Variants in CNTN5 observed in about 807,000 individuals in gnomAD.
CNTN5 encodes the protein contactin 5.
Under a neutral mutation model 129.1 loss-of-function variants are expected in CNTN5, and 77 were observed. The ratio of observed to expected loss-of-function variants is 0.60; its 90% confidence interval spans 0.50 to 0.72. The LOEUF is 0.72. Among genes scored for constraint, CNTN5 ranks in the 30% least tolerant of loss-of-function variants. CNTN5 has a pLI of 0.00. For missense variants in CNTN5, 1,478 were observed against 1,328.8 expected, an observed-to-expected ratio of 1.11 and a Z score of -1.75; for synonymous variants, 509 against 465.6, an observed-to-expected ratio of 1.09 and a Z score of -1.20.
intron 3 of CNTN5, among the ~76,000 whole-genome samples, chr11:99,594,426 T>C (rs1950066359): frequency 6.6e-6 from 1 of 152,194 alleles, no homozygotes; most frequent in Non-Finnish European, 1.5e-5. Context: ...AGTCTTGGTC[T>C]GTTTCTTTGC....
intron 2 of CNTN5, among the ~76,000 whole-genome samples, chr11:99,439,579 G>A (rs186950405): frequency 7.6e-4 from 115 of 151,626 alleles, no homozygotes; most frequent in African/African-American, 2.6e-3. Flanking sequence ...GTGGTGGTGT[G>A]CACCTGGAAT....
At chr11:99,894,221 G>T (rs1253705319) in intron 6 of CNTN5, among the ~76,000 whole-genome samples, 1 of 152,018 alleles carries the variant, frequency 6.6e-6, no homozygotes, top group Admixed American at 6.6e-5. Flanking sequence ...TGCTTCATTT[G>T]TCCACAGACT....
chr11:99,069,722 A>G (rs1210923253), intron 1 of CNTN5, among the ~76,000 whole-genome samples: 4 of 152,188 alleles, frequency 2.6e-5, no homozygotes, highest in South Asian at 2.1e-4. Flanking sequence ...GAATTTAGAT[A>G]GCTTGAAAAT....
intron 2 of CNTN5, among the ~76,000 whole-genome samples, chr11:99,478,798 T>A (rs1945479123): frequency 6.6e-6 from 1 of 152,170 alleles, no homozygotes; most frequent in African/African-American, 2.4e-5. Flanking sequence ...AGAGTGATGT[T>A]TCCTACTTTT....
At chr11:99,159,316 A>C (rs1399757022) in intron 1 of CNTN5, among the ~76,000 whole-genome samples, 2 of 152,206 alleles carry the variant, frequency 1.3e-5, no homozygotes, top group Non-Finnish European at 2.9e-5. Flanking sequence ...AACATATCTA[A>C]TACAATATTT....
chr11:99,283,956 A>T (rs1863814244), intron 1 of CNTN5, among the ~76,000 whole-genome samples: 1 of 152,164 alleles, frequency 6.6e-6, no homozygotes, highest in Non-Finnish European at 1.5e-5. Context: ...CTTTGGACAT[A>T]TGTATTAAAA....
intron 9 of CNTN5, among the ~76,000 whole-genome samples, chr11:100,040,881 T>C (rs1942339288): frequency 6.6e-6 from 1 of 152,154 alleles, no homozygotes; most frequent in South Asian, 2.1e-4. Flanking sequence ...CTGTCACCCC[T>C]TTCTTTGACT....
intron 2 of CNTN5, among the ~76,000 whole-genome samples, chr11:99,340,193 A>G (rs1364847742): frequency 6.6e-6 from 1 of 152,152 alleles, no homozygotes; most frequent in Non-Finnish European, 1.5e-5. Flanking sequence ...CAGAGAAAGC[A>G]GTTTGGGATG....
intron 18 of CNTN5, among the ~76,000 whole-genome samples, chr11:100,281,423 C>T (rs980268890): frequency 6.6e-6 from 1 of 152,046 alleles, no homozygotes; most frequent in Non-Finnish European, 1.5e-5. Flanking sequence ...TCTCTCCTGG[C>T]CTGTAAAGTT....
At chr11:99,990,613 C>G (rs972489929) in intron 8 of CNTN5, among the ~76,000 whole-genome samples, 4 of 151,924 alleles carry the variant, frequency 2.6e-5, no homozygotes, top group African/African-American at 9.7e-5. Flanking sequence ...TATGTCAGAA[C>G]ATTCTTCAGT....
intron 1 of CNTN5, among the ~76,000 whole-genome samples, chr11:99,258,049 C>T (rs1054800741): frequency 1.3e-5 from 2 of 152,038 alleles, no homozygotes; most frequent in African/African-American, 4.8e-5. Flanking sequence ...CCCTGAACAC[C>T]TAAAACTGAA....
At chr11:100,207,447 A>G (rs953537187) in intron 15 of CNTN5, among the ~76,000 whole-genome samples, 1 of 152,154 alleles carries the variant, frequency 6.6e-6, no homozygotes, top group Admixed American at 6.6e-5. Context: ...TTCAGGCAAA[A>G]TTAGATAAAA....
At chr11:100,009,711 A>G (rs924192831) in intron 9 of CNTN5, among the ~76,000 whole-genome samples, 2 of 152,182 alleles carry the variant, frequency 1.3e-5, no homozygotes, top group South Asian at 2.1e-4. Context: ...CTGTAAGAAT[A>G]TAATAATGCC....
intron 1 of CNTN5, among the ~76,000 whole-genome samples, chr11:99,106,165 G>T (rs1866984077): frequency 6.6e-6 from 1 of 152,044 alleles, no homozygotes; most frequent in South Asian, 2.1e-4. Flanking sequence ...CGAAGGATTT[G>T]CCCAAAGTCT....
chr11:99,819,873 G>C, intron 4 of CNTN5, 108 bp downstream of exon 4: 1 of 738,610 alleles, frequency 1.4e-6, no homozygotes, highest in Non-Finnish European at 2.2e-6. Flanking sequence ...GAGAGTGATT[G>C]AACTCAACTC....
At chr11:99,386,465 C>T (rs1940932983) in intron 2 of CNTN5, among the ~76,000 whole-genome samples, 2 of 152,070 alleles carry the variant, frequency 1.3e-5, no homozygotes, top group South Asian at 4.1e-4. Flanking sequence ...CCTGACATTG[C>T]CATGGCATTT....
chr11:99,726,916 C>T lies in CNTN5; in HGVS notation c.56-92628C>T, dbSNP rs906514998. ...AAGAACCATAAAAATATGTATTAGA[C>T]ACCGACTTGAAAAAAATTTACATAA... On this transcript the variant is annotated intron_variant, in intron 3 of 24. Coordinates refer to ENST00000524871, the MANE Select transcript of CNTN5 (RefSeq NM_014361.4). Among the ~76,000 whole-genome samples, 14 of 152,218 alleles carry T rather than the reference C, an allele frequency of 9.2e-5. No individual in the cohort carries two copies. In the East Asian group the frequency reaches 2.7e-3, roughly 29 times the overall value.
chr11:99,963,274 GGGTTTTTAT>G (rs1951000868), intron 8 of CNTN5, among the ~76,000 whole-genome samples: 1 of 152,134 alleles, frequency 6.6e-6, no homozygotes, highest in African/African-American at 2.4e-5. Context: ...TTTTCTTCTA[GGGTTTTTAT>G]GGTTTTAGGT....
intron 3 of CNTN5, among the ~76,000 whole-genome samples, chr11:99,679,146 G>A (rs1953439052): frequency 6.8e-6 from 1 of 146,176 alleles, no homozygotes; most frequent in Non-Finnish European, 1.5e-5. Flanking sequence ...ATATATATAA[G>A]TACATATAAC....
Sources: allele counts gnomAD v4.1 joint callset (sites outside exome capture counted in the v4.1 genomes callset), GRCh38; gene constraint gnomAD v4.1.1; transcripts MANE v1.5; gene names NCBI Gene and HGNC (gene_info 2026-07-23, HGNC 2026-07-21).